The following SLC2A13 variants were observed in gnomAD, a reference collection of about 807,000 sequenced individuals.
SLC2A13 encodes proton myo-inositol cotransporter.
Under a neutral mutation model 64.4 loss-of-function variants are expected in SLC2A13, and 32 were observed. The observed-to-expected ratio is 0.50, with a 90% CI of 0.37 to 0.67. The LOEUF is 0.67. SLC2A13 is among the 30% of genes least tolerant of loss of function. The probability of loss-of-function intolerance (pLI) is 0.00; values close to 1 mark genes in which losing one functional copy is unlikely to be tolerated. For synonymous variants in SLC2A13, 338 were observed against 327.1 expected (o/e 1.03, Z -0.36); for missense variants, 743 against 829.2 (o/e 0.90, Z 1.28).
intron 6 of SLC2A13, among the ~76,000 whole-genome samples, chr12:39,854,603 T>C (rs540136812): frequency 5.3e-4 from 80 of 152,310 alleles, no homozygotes; most frequent in African/African-American, 1.7e-3. Context: ...TGCCAGACTC[T>C]TCTCCCTCCA....
intron 4 of SLC2A13, among the ~76,000 whole-genome samples, chr12:39,918,347 C>T (rs761407049): frequency 5.8e-5 from 8 of 137,822 alleles, no homozygotes; most frequent in Middle Eastern, 3.3e-3. Context: ...GAATGTATAA[C>T]AGAACAGAAG....
At chr12:39,961,306 T>C (rs1591952963) in intron 3 of SLC2A13, among the ~76,000 whole-genome samples, 1 of 152,060 alleles carries the variant, frequency 6.6e-6, no homozygotes, top group Admixed American at 6.5e-5. Context: ...CTTGAATTCC[T>C]GACCTCAAGT....
chr12:40,043,856 T>C (rs978224971), intron 2 of SLC2A13, among the ~76,000 whole-genome samples: 1 of 152,192 alleles, frequency 6.6e-6, no homozygotes, highest in Non-Finnish European at 1.5e-5. Context: ...AAGTGTTTAC[T>C]AGGACATGGA....
chr12:39,943,818 G>A (rs546059429), intron 4 of SLC2A13, among the ~76,000 whole-genome samples: 17 of 152,252 alleles, frequency 1.1e-4, no homozygotes, highest in South Asian at 6.2e-4. Context: ...TTTGCAAACC[G>A]CAGACCAGGA....
At chr12:40,001,840 C>T (rs2136183021) in intron 3 of SLC2A13, among the ~76,000 whole-genome samples, 2 of 152,182 alleles carry the variant, frequency 1.3e-5, no homozygotes, top group Middle Eastern at 6.8e-3. Flanking sequence ...ATCAATCATC[C>T]CAATGAAAAT....
chr12:40,059,298 T>A (rs975040828), intron 1 of SLC2A13, among the ~76,000 whole-genome samples: 2 of 152,190 alleles, frequency 1.3e-5, no homozygotes, highest in African/African-American at 2.4e-5. Context: ...CAATACCCTA[T>A]GCCAGAGGAG....
At chr12:40,018,630 T>G (rs563347692) in intron 3 of SLC2A13, among the ~76,000 whole-genome samples, 1 of 152,350 alleles carries the variant, frequency 6.6e-6, no homozygotes, top group South Asian at 2.1e-4. Context: ...TAATGGAGAC[T>G]AATATCAAAA....
intron 1 of SLC2A13, among the ~76,000 whole-genome samples, chr12:40,070,451 G>C (rs1428253403): frequency 6.6e-6 from 1 of 152,074 alleles, no homozygotes. Flanking sequence ...GCTAAACAGG[G>C]CACTTCACTT....
chr12:40,089,072 T>C (rs17518427), intron 1 of SLC2A13, among the ~76,000 whole-genome samples: 3,492 of 152,228 alleles, frequency 0.023, 141 homozygotes, highest in African/African-American at 0.079. Flanking sequence ...CACTAAATAA[T>C]TGGTTTTCTT....
chr12:39,777,059 T>C (rs567060366), intron 7 of SLC2A13, among the ~76,000 whole-genome samples: 1 of 152,350 alleles, frequency 6.6e-6, no homozygotes, highest in South Asian at 2.1e-4. Context: ...ATACTGCTCA[T>C]ATTTTCTGGA....
intron 4 of SLC2A13, among the ~76,000 whole-genome samples, chr12:39,939,549 C>CT (rs1236734498): frequency 6.6e-6 from 1 of 152,160 alleles, no homozygotes; most frequent in African/African-American, 2.4e-5. Context: ...CAAGGAAAGT[C>CT]TATCACATCA....
intron 6 of SLC2A13, among the ~76,000 whole-genome samples, chr12:39,832,224 C>CT: frequency 6.6e-6 from 1 of 152,048 alleles, no homozygotes; most frequent in Non-Finnish European, 1.5e-5. Flanking sequence ...GCTTTGAGAA[C>CT]CAGACTAGGC....
intron 6 of SLC2A13, among the ~76,000 whole-genome samples, chr12:39,833,214 A>G (rs1286954267): frequency 6.6e-6 from 1 of 152,118 alleles, no homozygotes; most frequent in Admixed American, 6.6e-5. Flanking sequence ...TGCTTTAAGG[A>G]CAGAGCTGAG....
intron 7 of SLC2A13, among the ~76,000 whole-genome samples, chr12:39,767,556 C>A (rs1363622294): frequency 6.6e-6 from 1 of 152,056 alleles, no homozygotes; most frequent in Non-Finnish European, 1.5e-5. Flanking sequence ...ACATTGACTT[C>A]TCCTCTCTAG....
At chr12:39,883,872 C>T (rs138244938) in intron 4 of SLC2A13, among the ~76,000 whole-genome samples, 1,921 of 152,188 alleles carry the variant, frequency 0.013, 23 homozygotes, top group Non-Finnish European at 0.018. Flanking sequence ...CAGCAAAACA[C>T]GGAAGTATAT....
At chr12:39,825,952 T>A (rs1942658745) in intron 7 of SLC2A13, among the ~76,000 whole-genome samples, 1 of 152,174 alleles carries the variant, frequency 6.6e-6, no homozygotes, top group Non-Finnish European at 1.5e-5. Flanking sequence ...TTTGGGTGTT[T>A]TGTTTATTTT....
In SLC2A13 at chr12:40,097,601, G is replaced by A. The variant is rs141918446; in HGVS notation, c.556+7652C>T. Among the ~76,000 whole-genome samples the A allele has an allele frequency of 2.7e-3, 407 of 152,244 alleles. 3 individuals carry two copies. The highest frequency in any genetic ancestry group is 9.3e-3 in the African/African-American group (387 of 41,550). On this transcript the variant is annotated intron_variant, in intron 1 of 9. Transcript: ENST00000280871. ...AATTTTCCAAAGAAGATATACAAAT[G>A]TACAAGTGGCCAACAAGCCTATGAA...
intron 3 of SLC2A13, among the ~76,000 whole-genome samples, chr12:40,002,480 A>G (rs1039084274): frequency 1.3e-5 from 2 of 152,252 alleles, no homozygotes; most frequent in Non-Finnish European, 2.9e-5. Flanking sequence ...CTCAGAAAGC[A>G]ACAAAATAAA....
chr12:39,810,154 C>A (rs1040093444), intron 7 of SLC2A13, among the ~76,000 whole-genome samples: 1 of 152,156 alleles, frequency 6.6e-6, no homozygotes, highest in African/African-American at 2.4e-5. Context: ...GACATCTTAA[C>A]CATATTAAGT....
Sources: gnomAD v4.1 joint callset for allele counts (sites outside exome capture counted in the v4.1 genomes callset) on GRCh38, gnomAD v4.1.1 for gene constraint, MANE v1.5 for transcripts, NCBI Gene and HGNC (gene_info 2026-07-23, HGNC 2026-07-21) for gene names.